Variants in APC2 observed in about 807,000 individuals in gnomAD.
APC2 encodes adenomatous polyposis coli protein 2.
Under a neutral mutation model 72.5 loss-of-function variants are expected in APC2, and 41 were observed. The observed-to-expected ratio is 0.57, with a 90% CI of 0.44 to 0.73. The LOEUF (loss-of-function observed/expected upper bound fraction) is 0.73, where lower values mean the gene tolerates loss of function less well. APC2 is among the 30% of genes least tolerant of loss of function. APC2 has a pLI of 0.00. For synonymous variants in APC2, 1,898 were observed against 1,612.0 expected, an observed-to-expected ratio of 1.18 and a Z score of -4.25; for missense variants, 3,729 against 3,403.4, an observed-to-expected ratio of 1.10 and a Z score of -2.38.
At position 1,468,906 on chromosome 19, in the gene APC2, G is replaced by A. The variant is rs1272308519; in HGVS notation, c.5605G>A (p.Ala1869Thr). The A allele has an allele frequency of 2.6e-6, 4 of 1,511,570 alleles. No individual in the cohort carries two copies. The highest frequency in any genetic ancestry group is 2.6e-6 in the Non-Finnish European group (3 of 1,135,104). The allele number at this position is 1,511,570 out of a possible 1,614,324, so 93.6% of individuals were successfully genotyped here. The stretch of plus-strand genomic sequence containing the variant: ...AAGCGCCACACCGCCCGCCCGCCTC[G>A]CCAAGACCCCCTCCTCCAGCTCCTC... ...PRSATPPARL[A>T]KTPSSSSSQT... Residue 1869 changes from alanine to threonine, a missense_variant, in exon 15 of 15, where the codon GCC becomes ACC. Physicochemically the swap from Ala to Thr is moderately conservative, Grantham distance 58. Transcript: ENST00000590469.
chr19:1,456,835 ACCCTGC>A lies in APC2; in HGVS notation c.817-15_817-10del, dbSNP rs2083836031. ...GGGGCAGGTGAGGGACCCCACCCTGACCCTGCCCTCCCCCCAGGTGGAGGTGGTCTT... is the reference window on the plus strand; with the variant it reads ...GGGGCAGGTGAGGGACCCCACCCTGACCTCCCCCCAGGTGGAGGTGGTCTT... On this transcript the variant is annotated splice_polypyrimidine_tract_variant and intron_variant, in intron 8 of 14. Coordinates refer to ENST00000590469, the MANE Select transcript of APC2 (RefSeq NM_005883.3). The A allele has an allele frequency of 5.7e-6, 9 of 1,587,994 alleles. No individual in the cohort carries two copies. The highest frequency in any genetic ancestry group is 1.1e-5 in the South Asian group (1 of 88,524).
In APC2 at chr19:1,471,566, G is replaced by C. The variant is rs2084135021; in HGVS notation, c.*1353G>C. 1 of 152,220 alleles carries C rather than the reference G, an allele frequency of 6.6e-6. No individual in the cohort carries two copies. Among genetic ancestry groups the C allele is most frequent in the Non-Finnish European group, 1.5e-5 (1 of 68,044 alleles). The allele number at this position is 152,220 out of a possible 1,614,324, so 9.4% of individuals were successfully genotyped here. Reference sequence around the variant, plus strand: ...GTCTCCGTGACTGGGGCAACGCCTCGTCCTGCAGAGGGAGCCGACGACCTC... The same window carrying C: ...GTCTCCGTGACTGGGGCAACGCCTCCTCCTGCAGAGGGAGCCGACGACCTC... On this transcript the variant is annotated 3_prime_UTR_variant, in exon 15 of 15. Transcript: ENST00000590469.
rs1472146004 is a variant in APC2 at position 1,470,687 on chromosome 19, G to T, written c.*474G>T. ...GGGCCTGCCAGCTGGGGGCCTTTGCGGCGCGCAGGGGCGAAGCCTGTAATC... is the reference window on the plus strand; with the variant it reads ...GGGCCTGCCAGCTGGGGGCCTTTGCTGCGCGCAGGGGCGAAGCCTGTAATC... On this transcript the variant is annotated 3_prime_UTR_variant, in exon 15 of 15. Transcript: ENST00000590469. 6.3e-6 allele frequency: 1 copy of T among 158,720 alleles called. No homozygotes were observed. Among genetic ancestry groups the T allele is most frequent in the Non-Finnish European group, 1.4e-5 (1 of 72,654 alleles). 9.8% of individuals were successfully genotyped at this position (158,720 alleles called of 1,614,324 possible).
In APC2 at chr19:1,460,317, C is replaced by G. The variant is rs750637047; in HGVS notation, c.1440C>G (p.Asn480Lys). 8.7e-6 allele frequency: 14 copies of G among 1,613,264 alleles called. No individual in the cohort carries two copies. The highest frequency in any genetic ancestry group is 1.2e-5 in the Non-Finnish European group (14 of 1,180,004). ...LTNLTFGDVA[N>K]KATLCARRGC... ...ACCTCACCTTTGGGGACGTTGCCAA[C>G]AAGGTGCCCGGGGGCAGTGGGTGGG... The change falls in exon 11 of 15, where the codon AAC becomes AAG. Residue 480 changes from asparagine to lysine, a missense_variant. Coordinates refer to ENST00000590469, the MANE Select transcript of APC2 (RefSeq NM_005883.3).
rs2083726995 is a variant in APC2 at position 1,450,212 on chromosome 19, G to A, written c.-145G>A. On this transcript the variant is annotated 5_prime_UTR_variant, in exon 1 of 15. Coordinates refer to ENST00000590469, the MANE Select transcript of APC2 (RefSeq NM_005883.3). ...GCCCCGGAGCCCCTGCCCGCGCCGCGGAGACCCCGGAGCCCGCGCGCTCCG... is the reference window on the plus strand; with the variant it reads ...GCCCCGGAGCCCCTGCCCGCGCCGCAGAGACCCCGGAGCCCGCGCGCTCCG... 6.1e-6 allele frequency: 6 copies of A among 985,240 alleles called. No homozygotes were observed. The highest frequency in any genetic ancestry group is 7.2e-6 in the Non-Finnish European group (6 of 829,858). 61.0% of individuals were successfully genotyped at this position (985,240 alleles called of 1,614,324 possible).
At position 1,450,202 on chromosome 19, in the gene APC2, C is replaced by G; in HGVS notation, c.-155C>G. On this transcript the variant is annotated 5_prime_UTR_variant, in exon 1 of 15. Coordinates refer to ENST00000590469, the MANE Select transcript of APC2 (RefSeq NM_005883.3). ...GGCTTTGTCCGCCCCGGAGCCCCTG[C>G]CCGCGCCGCGGAGACCCCGGAGCCC... The G allele has an allele frequency of 5.1e-6, 5 of 985,376 alleles. No individual in the cohort carries two copies. The highest frequency in any genetic ancestry group is 6.0e-6 in the Non-Finnish European group (5 of 829,918). 61.0% of individuals were successfully genotyped at this position (985,376 alleles called of 1,614,324 possible). A position where few individuals can be genotyped will look rare whatever the true frequency, so the allele number is the denominator to read the frequency against.
Position 1,466,769 on chromosome 19 carries a change from G to C in APC2, c.3468G>C (p.Pro1156=). 1.3e-6 allele frequency: 2 copies of C among 1,550,092 alleles called. No individual in the cohort carries two copies. The highest frequency in any genetic ancestry group is 1.7e-6 in the Non-Finnish European group (2 of 1,147,796). Residue 1156 remains proline, a synonymous_variant, in exon 15 of 15, where the codon CCG becomes CCC. Coordinates refer to ENST00000590469, the MANE Select transcript of APC2 (RefSeq NM_005883.3). The stretch of plus-strand genomic sequence containing the variant: ...CGGAGAACTACGTGCAGGAGACACC[G>C]CTTGTGCTGAGCCGCTGCAGCTCTG... ...SSSENYVQET[P]LVLSRCSSVS... is the part of the protein sequence containing the mutation.
At position 1,452,539 on chromosome 19, in the gene APC2, T is replaced by G. The variant is rs1599130146; in HGVS notation, c.-18-445T>G. 5.9e-6 allele frequency: 1 copy of G among 170,432 alleles called. No homozygotes were observed. Among genetic ancestry groups the G allele is most frequent in the Non-Finnish European group, 1.3e-5 (1 of 79,232 alleles). 10.6% of individuals were successfully genotyped at this position (170,432 alleles called of 1,614,324 possible). On this transcript the variant is annotated intron_variant, in intron 1 of 14. Coordinates refer to ENST00000590469, the MANE Select transcript of APC2 (RefSeq NM_005883.3). This position sits in a 1 kb window ranked among gnomAD's most constrained non-coding sequence, Gnocchi z 5.1. ...GCAGGCTTGCTTTTATGGGGGAGGG[T>G]CCTGTCTGTCTGTCTGTCGCCCTCT...
Position 1,471,187 on chromosome 19 carries a change from C to G in APC2, c.*974C>G, listed in dbSNP as rs2084128218. ...CGCGCTGGCCTCTCCCCAGCGGAGC[C>G]TGCACGTTACGGAGACCATCACATG... On this transcript the variant is annotated 3_prime_UTR_variant, in exon 15 of 15. Transcript: ENST00000590469. 6.6e-6 allele frequency: 1 copy of G among 152,458 alleles called. No individual in the cohort carries two copies. The highest frequency in any genetic ancestry group is 1.5e-5 in the Non-Finnish European group (1 of 68,212). 9.4% of individuals were successfully genotyped at this position (152,458 alleles called of 1,614,324 possible).
chr19:1,460,972 A>C, intron 12 of APC2, 65 bp from the exon 13 acceptor site: 1 of 1,599,982 alleles, frequency 6.3e-7, no homozygotes. Flanking sequence ...GCAGACTCAC[A>C]TTTGCTGGGG....
chr19:1,463,721 G>C (rs1418756437), intron 14 of APC2, among the ~76,000 whole-genome samples: 1 of 152,088 alleles, frequency 6.6e-6, no homozygotes, highest in Non-Finnish European at 1.5e-5. Flanking sequence ...CTGCACTCCA[G>C]CCTGGGTGAT....
Position 1,452,867 on chromosome 19 carries a change from C to T in APC2, c.-18-117C>T. The T allele has an allele frequency of 1.6e-6, 2 of 1,286,174 alleles. No individual in the cohort carries two copies. Among genetic ancestry groups the T allele is most frequent in the Middle Eastern group, 2.8e-4 (1 of 3,632 alleles). The allele number at this position is 1,286,174 out of a possible 1,614,324, so 79.7% of individuals were successfully genotyped here. On this transcript the variant is annotated intron_variant, in intron 1 of 14. Coordinates refer to ENST00000590469, the MANE Select transcript of APC2 (RefSeq NM_005883.3). The surrounding 1 kb of genome is among the most constrained non-coding windows in gnomAD (Gnocchi z 5.1). The stretch of plus-strand genomic sequence containing the variant: ...CACCAGTGACTCCTGCCTGAGACCC[C>T]CCCCAACCCAGGATCAGGCAGGACG...
chr19:1,455,579 C>T lies in APC2; in HGVS notation c.639+79C>T, dbSNP rs969755090. The T allele has an allele frequency of 3.6e-6, 5 of 1,381,890 alleles. No homozygotes were observed. The Admixed American group carries it at 5.6e-5, about 16-fold the overall frequency. 85.6% of individuals were successfully genotyped at this position (1,381,890 alleles called of 1,614,324 possible). On this transcript the variant is annotated intron_variant, in intron 6 of 14. Coordinates refer to ENST00000590469, the MANE Select transcript of APC2 (RefSeq NM_005883.3). ...CAAATCAGAGTGCAGATATTATGGGCGGGGTCTGGGGTAATGGGAGGAGTC... is the reference window on the plus strand; with the variant it reads ...CAAATCAGAGTGCAGATATTATGGGTGGGGTCTGGGGTAATGGGAGGAGTC...
chr19:1,457,889 G>A lies in APC2; in HGVS notation c.1208-76G>A, dbSNP rs537253505. On this transcript the variant is annotated intron_variant, in intron 9 of 14. Coordinates refer to ENST00000590469, the MANE Select transcript of APC2 (RefSeq NM_005883.3). ...GGGATCCTTCAGGCCTGGGGCGGGC[G>A]GGTTGCGGGACCTTCGGGAGTCACC... 188 of 1,262,790 alleles carry A rather than the reference G, an allele frequency of 1.5e-4. 2 individuals are homozygous for A. The highest frequency in any genetic ancestry group is 2.0e-4 in the East Asian group (8 of 39,074). The allele number at this position is 1,262,790 out of a possible 1,614,324, so 78.2% of individuals were successfully genotyped here.
chr19:1,467,049 T>A lies in APC2; in HGVS notation c.3748T>A (p.Cys1250Ser). The A allele has an allele frequency of 1.2e-6, 2 of 1,611,738 alleles. No homozygotes were observed. Among genetic ancestry groups the A allele is most frequent in the Middle Eastern group, 1.7e-4 (1 of 6,058 alleles). Residue 1250 changes from cysteine (C) to serine (S), a missense_variant, in exon 15 of 15, where the codon TGC (cysteine) becomes AGC (serine). Physicochemically the swap from Cys to Ser is moderately radical, Grantham distance 112. Coordinates refer to ENST00000590469, the MANE Select transcript of APC2 (RefSeq NM_005883.3). ...FLDIADCRER[C>S]RLPSELDAGS... ...GGACATCGCCGACTGCCGGGAGCGC[T>A]GCCGGCTGCCATCTGAGCTGGACGC... is the stretch of plus-strand genomic sequence containing the variant.
In APC2 at chr19:1,460,226, T is replaced by C; in HGVS notation, c.1349T>C (p.Met450Thr). 2 of 1,613,512 alleles carry C rather than the reference T, an allele frequency of 1.2e-6. No individual in the cohort carries two copies. Among genetic ancestry groups the C allele is most frequent in the South Asian group, 1.1e-5 (1 of 91,084 alleles). ...VAELLQVDYE[M>T]HKMTRDPLNL... ...GAGCTGCTGCAGGTTGACTATGAGA[T>C]GCACAAGATGACCCGGGACCCGCTG... The change falls in exon 11 of 15, where the codon ATG becomes ACG. Residue 450 changes from methionine to threonine, a missense_variant. Met to Thr is a moderately conservative substitution (Grantham distance 81). Coordinates refer to ENST00000590469, the MANE Select transcript of APC2 (RefSeq NM_005883.3).
At position 1,453,622 on chromosome 19, in the gene APC2, G is replaced by A. The variant is rs199926010; in HGVS notation, c.413+11G>A. On this transcript the variant is annotated intron_variant, in intron 4 of 14. Coordinates refer to ENST00000590469, the MANE Select transcript of APC2 (RefSeq NM_005883.3). ...ACTGGACCGGGAACGGTGAGTGGGC[G>A]TGGGAACCCAGCCTCGGGCAGCTGG... The A allele has an allele frequency of 6.1e-5, 97 of 1,587,082 alleles. 1 individual carries two copies. The highest frequency in any genetic ancestry group is 2.1e-4 in the African/African-American group (16 of 74,584).
chr19:1,464,507 GAT>G (rs1193723985), intron 14 of APC2, among the ~76,000 whole-genome samples: 1 of 151,944 alleles, frequency 6.6e-6, no homozygotes, highest in African/African-American at 2.4e-5. Flanking sequence ...AGTGAGCCAT[GAT>G]TGCACCACTG....
In APC2 at chr19:1,472,584, GC is replaced by G. The variant is rs1421123794; in HGVS notation, c.*2375del. On this transcript the variant is annotated 3_prime_UTR_variant, in exon 15 of 15. Coordinates refer to ENST00000590469, the MANE Select transcript of APC2 (RefSeq NM_005883.3). ...AGCAAGGTGCGCAACATGGCTGCCA[GC>G]CCCGCCTCCCACCCCCACCCCGAGT... 1 of 151,098 alleles carries G rather than the reference GC, an allele frequency of 6.6e-6. No homozygotes were observed. The highest frequency in any genetic ancestry group is 1.5e-5 in the Non-Finnish European group (1 of 67,866). 9.4% of individuals were successfully genotyped at this position (151,098 alleles called of 1,614,324 possible). A position where few individuals can be genotyped will look rare whatever the true frequency, so the allele number is the denominator to read the frequency against.
Sources: allele counts gnomAD v4.1 joint callset (sites outside exome capture counted in the v4.1 genomes callset), GRCh38; gene constraint gnomAD v4.1.1; non-coding constraint Gnocchi (gnomAD v3.1); transcripts MANE v1.5; gene names NCBI Gene and HGNC (gene_info 2026-07-23, HGNC 2026-07-21).